Variants in MALRD1 observed in about 807,000 individuals in gnomAD.
MALRD1 encodes MAM and LDL receptor class A domain containing 1.
In MALRD1, 247 loss-of-function variants were observed where a neutral mutation model predicts 242.1. That is an observed-to-expected ratio of 1.02 (90% CI 0.92 to 1.13). The LOEUF is 1.13. Ranked by LOEUF, MALRD1 falls within the 50% of genes most tolerant of loss-of-function variation. The pLI, the probability that MALRD1 is intolerant of heterozygous loss-of-function variation, is 0.00. For missense variants in MALRD1, 2,989 were observed against 2,533.1 expected (o/e 1.18, Z -3.86); for synonymous variants, 995 against 866.6 (o/e 1.15, Z -2.60).
intron 29 of MALRD1, among the ~76,000 whole-genome samples, chr10:19,468,994 T>A (rs1404081662): frequency 6.6e-6 from 1 of 152,082 alleles, no homozygotes; most frequent in Non-Finnish European, 1.5e-5. Flanking sequence ...TGATTGTGGT[T>A]CTCAAACTTG....
intron 14 of MALRD1, among the ~76,000 whole-genome samples, chr10:19,198,884 A>G (rs1363603245): frequency 2.0e-5 from 3 of 152,184 alleles, no homozygotes; most frequent in African/African-American, 7.2e-5. Context: ...TTAAATAATT[A>G]ATGACTATTA....
At chr10:19,677,197 G>T (rs559767162) in intron 36 of MALRD1, among the ~76,000 whole-genome samples, 3 of 152,084 alleles carry the variant, frequency 2.0e-5, no homozygotes, top group African/African-American at 7.2e-5. Flanking sequence ...GGGATTGCTG[G>T]GTAAAATGGT....
intron 22 of MALRD1, among the ~76,000 whole-genome samples, chr10:19,327,348 A>T (rs983650457): frequency 6.6e-6 from 1 of 152,076 alleles, no homozygotes; most frequent in African/African-American, 2.4e-5. Context: ...ACAGATATTC[A>T]TGCACATCTT....
intron 26 of MALRD1, among the ~76,000 whole-genome samples, chr10:19,372,066 T>G (rs1292977750): frequency 6.6e-6 from 1 of 152,064 alleles, no homozygotes; most frequent in Non-Finnish European, 1.5e-5. Flanking sequence ...TTTAGAGGAG[T>G]TCTGTAACTC....
intron 26 of MALRD1, among the ~76,000 whole-genome samples, chr10:19,366,113 T>C (rs1845097341): frequency 6.6e-6 from 1 of 152,006 alleles, no homozygotes; most frequent in Non-Finnish European, 1.5e-5. Context: ...TTACATTTAT[T>C]GTATACTTTA....
In MALRD1 at chr10:19,204,889, C is replaced by CT. The variant is rs775171288; in HGVS notation, c.2211-3dup. ...ATCACTTCCATTTCTTACGTTTACT[C>CT]TTTTTTAGGTTCTATAACTATGGCC... is the stretch of plus-strand genomic sequence containing the variant. On this transcript the variant is annotated splice_polypyrimidine_tract_variant and intron_variant, in intron 16 of 39. Coordinates refer to ENST00000454679, the MANE Select transcript of MALRD1 (RefSeq NM_001142308.3). 3.1e-4 allele frequency: 475 copies of CT among 1,528,324 alleles called. No individual in the cohort carries two copies. The highest frequency in any genetic ancestry group is 4.1e-4 in the Non-Finnish European group (468 of 1,134,696). 94.7% of individuals were successfully genotyped at this position (1,528,324 alleles called of 1,614,324 possible). A position where few individuals can be genotyped will look rare whatever the true frequency, so the allele number is the denominator to read the frequency against.
intron 12 of MALRD1, among the ~76,000 whole-genome samples, chr10:19,162,094 T>G (rs1388305406): frequency 6.6e-6 from 1 of 151,968 alleles, no homozygotes; most frequent in African/African-American, 2.4e-5. Context: ...GGAAATGAAT[T>G]TTTCACTTTG....
At chr10:19,695,680 C>T (rs529812444) in intron 38 of MALRD1, among the ~76,000 whole-genome samples, 7 of 152,040 alleles carry the variant, frequency 4.6e-5, no homozygotes, top group South Asian at 2.1e-4. Context: ...CCACCATGCC[C>T]GGCTAATTTT....
At chr10:19,438,482 A>G (rs887858292) in intron 28 of MALRD1, among the ~76,000 whole-genome samples, 18 of 152,310 alleles carry the variant, frequency 1.2e-4, no homozygotes, top group African/African-American at 4.1e-4. Context: ...GCTTACAACT[A>G]TATCTCTTCA....
intron 28 of MALRD1, among the ~76,000 whole-genome samples, chr10:19,407,382 T>C (rs1350228867): frequency 2.6e-5 from 4 of 152,308 alleles, no homozygotes; most frequent in South Asian, 4.1e-4. Flanking sequence ...CTCAGGACGC[T>C]GAGGTGGGAG....
At chr10:19,148,107 C>T (rs1179820706) in intron 11 of MALRD1, among the ~76,000 whole-genome samples, 1 of 152,028 alleles carries the variant, frequency 6.6e-6, no homozygotes, top group Non-Finnish European at 1.5e-5. Context: ...GCTGTTGTGT[C>T]TGAGATGAGG....
chr10:19,334,375 C>T (rs1260707914), intron 24 of MALRD1, among the ~76,000 whole-genome samples: 1 of 151,078 alleles, frequency 6.6e-6, no homozygotes, highest in African/African-American at 2.4e-5. Context: ...CATTCTCCTG[C>T]ATATACCCTA....
At chr10:19,143,464 A>C (rs1833618884) in intron 10 of MALRD1, among the ~76,000 whole-genome samples, 1 of 152,218 alleles carries the variant, frequency 6.6e-6, no homozygotes, top group Non-Finnish European at 1.5e-5. Flanking sequence ...GGACTTGTAT[A>C]GCAATGCATA....
chr10:19,363,874 T>C (rs1405609724), intron 26 of MALRD1, among the ~76,000 whole-genome samples: 1 of 152,062 alleles, frequency 6.6e-6, no homozygotes, highest in Non-Finnish European at 1.5e-5. Flanking sequence ...AAGTCAGTAT[T>C]TCTGTGGTTG....
chr10:19,684,374 G>A (rs112534405), intron 36 of MALRD1, among the ~76,000 whole-genome samples: 6 of 152,068 alleles, frequency 3.9e-5, no homozygotes, highest in African/African-American at 1.4e-4. Context: ...CTTATTGGGT[G>A]GGCTTTATAT....
At chr10:19,569,668 TATATA>T (rs1386600922) in intron 33 of MALRD1, among the ~76,000 whole-genome samples, 4 of 147,182 alleles carry the variant, frequency 2.7e-5, no homozygotes, top group Non-Finnish European at 6.0e-5. Context: ...AATGTATTAT[TATATA>T]TTATATTATT....
Position 19,567,677 on chromosome 10 carries a change from C to CT in MALRD1, c.5658dup (p.Thr1887TyrfsTer18). 1 of 1,550,510 alleles carries CT rather than the reference C, an allele frequency of 6.4e-7. No individual in the cohort carries two copies. Among genetic ancestry groups the CT allele is most frequent in the Non-Finnish European group, 8.7e-7 (1 of 1,146,868 alleles). ...ATCTTTATTGCTCTTGATGACATCT[C>CT]TTTTACCCCAGAGTGTGTGACTGGA... On this transcript the variant is annotated frameshift_variant, in exon 33 of 40. Transcript: ENST00000454679. LOFTEE classifies it high-confidence loss of function.
intron 38 of MALRD1, among the ~76,000 whole-genome samples, chr10:19,720,568 A>C (rs1834696765): frequency 1.3e-5 from 2 of 152,304 alleles, no homozygotes; most frequent in South Asian, 2.1e-4. Flanking sequence ...TGCCTCTAAT[A>C]AATATACATA....
intron 4 of MALRD1, among the ~76,000 whole-genome samples, chr10:19,091,896 G>A (rs1431575202): frequency 2.4e-5 from 2 of 85,094 alleles, no homozygotes; most frequent in East Asian, 3.2e-4. Context: ...GTAGTTGAGC[G>A]GCTTTGAGTG....
Sources: gnomAD v4.1 joint callset for allele counts (sites outside exome capture counted in the v4.1 genomes callset) on GRCh38, gnomAD v4.1.1 for gene constraint, MANE v1.5 for transcripts, NCBI Gene and HGNC (gene_info 2026-07-23, HGNC 2026-07-21) for gene names.